Variants in RC3H1 observed in about 807,000 individuals in gnomAD.
The protein encoded by RC3H1 is roquin-1.
RC3H1 carries 50 observed loss-of-function variants against 138.2 expected under a neutral mutation model. The ratio of observed to expected loss-of-function variants is 0.36; its 90% CI spans 0.29 to 0.46. The LOEUF is 0.46. RC3H1 is among the 20% of genes least tolerant of loss of function. The pLI is 1.00. For synonymous variants in RC3H1, 462 were observed against 489.1 expected (o/e 0.94, Z 0.73); for missense variants, 1,031 against 1,388.1 (o/e 0.74, Z 4.09).
intron 2 of RC3H1, among the ~76,000 whole-genome samples, chr1:173,987,988 C>A (rs1335799026): frequency 6.6e-6 from 1 of 152,092 alleles, no homozygotes; most frequent in African/African-American, 2.4e-5. Flanking sequence ...TAATTCGTAC[C>A]CCCATGGGAA....
rs762384206 is a variant in RC3H1, at chr1:173,938,803, A to G, written c.3320T>C (p.Leu1107Pro). 1.9e-6 allele frequency: 3 copies of G among 1,613,838 alleles called. No homozygotes were observed. In the South Asian group the frequency reaches 3.3e-5, roughly 18 times the overall value. The change falls in exon 20 of 20, where the codon CTG becomes CCG. Residue 1107 changes from leucine to proline, a missense_variant. Physicochemically the swap from Leu to Pro is moderately conservative, Grantham distance 98. Coordinates refer to ENST00000367696, the MANE Select transcript of RC3H1 (RefSeq NM_172071.4). ...ISLLSNKTSS[L>P]NLSEDPEGGG... ...TCCCTCAGGGTCCTCTGACAGGTTC[A>G]GAGAGCTGGTCTTGTTTGATAGGAG...
At chr1:173,956,449 C>T (rs966646859) in intron 13 of RC3H1, among the ~76,000 whole-genome samples, 3 of 151,874 alleles carry the variant, frequency 2.0e-5, no homozygotes, top group Non-Finnish European at 2.9e-5. Context: ...CACCTGAGGT[C>T]GGGAGTTTGA....
intron 1 of RC3H1, among the ~76,000 whole-genome samples, chr1:174,013,357 G>C (rs992894490): frequency 2.0e-5 from 3 of 151,922 alleles, no homozygotes; most frequent in Non-Finnish European, 4.4e-5. Context: ...TGTGGCTATT[G>C]AGCCCTTGAA....
intron 17 of RC3H1, among the ~76,000 whole-genome samples, chr1:173,945,174 A>G (rs1278294482): frequency 6.8e-6 from 1 of 147,576 alleles, no homozygotes; most frequent in African/African-American, 2.5e-5. Flanking sequence ...CTCAGGCTGG[A>G]GTGCAGTGGC....
At chr1:173,955,419 G>C (rs1033846198) in intron 13 of RC3H1, among the ~76,000 whole-genome samples, 2 of 147,560 alleles carry the variant, frequency 1.4e-5, no homozygotes, top group African/African-American at 5.0e-5. Flanking sequence ...CCAGGTTCAC[G>C]TCATTCTCTC....
chr1:173,966,481 C>T (rs919676785), intron 9 of RC3H1, among the ~76,000 whole-genome samples: 9 of 151,276 alleles, frequency 5.9e-5, no homozygotes, highest in Non-Finnish European at 1.3e-4. Context: ...TTTGGGAGGC[C>T]GAGGCGGGCA....
chr1:174,006,945 T>C (rs1312630867), intron 1 of RC3H1, among the ~76,000 whole-genome samples: 3 of 152,164 alleles, frequency 2.0e-5, no homozygotes, highest in Non-Finnish European at 4.4e-5. Context: ...TATCACAAAG[T>C]GAGCATACCT....
rs771606977 is a variant in RC3H1, at chr1:173,943,545, G to A, written c.3032C>T (p.Pro1011Leu). 2.2e-5 allele frequency: 35 copies of A among 1,613,990 alleles called. No individual in the cohort carries two copies. The highest frequency in any genetic ancestry group is 1.6e-4 in the Middle Eastern group (1 of 6,078). ...CATCCCAGGCCATTTTGGAGGTGGC[G>A]GTGGTGGGGGCTGTGACTGGCCTGC... is the stretch of plus-strand genomic sequence containing the variant. ...TLAGQSQPPP[P>L]PPPKWPGMIS... The change falls in exon 18 of 20, where the codon CCG (proline) becomes CTG (leucine). Residue 1011 changes from proline (P) to leucine (L), a missense_variant. Around this residue, in one of 7 missense-constraint regions of RC3H1, gnomAD observed 716 missense variants for 837.9 expected, o/e 0.85. Coordinates refer to ENST00000367696, the MANE Select transcript of RC3H1 (RefSeq NM_172071.4).
chr1:173,981,317 T>G (rs1403814953), intron 5 of RC3H1, among the ~76,000 whole-genome samples: 1 of 152,178 alleles, frequency 6.6e-6, no homozygotes, highest in Non-Finnish European at 1.5e-5. Flanking sequence ...TTTTTTCAAA[T>G]TTTAGAATAT....
Position 173,983,400 on chromosome 1 carries a change from C to A in RC3H1, c.592+18G>T. The A allele has an allele frequency of 6.2e-7, 1 of 1,613,196 alleles. No homozygotes were observed. The highest frequency in any genetic ancestry group is 1.1e-5 in the South Asian group (1 of 91,000). On this transcript the variant is annotated intron_variant, in intron 4 of 19. Coordinates refer to ENST00000367696, the MANE Select transcript of RC3H1 (RefSeq NM_172071.4). ...TTAGAATTACCAGCAGAATAAATAC[C>A]TAAAGTTAATTATGTACCTGGTCCA...
intron 14 of RC3H1, among the ~76,000 whole-genome samples, chr1:173,951,339 G>A (rs1010999218): frequency 7.9e-5 from 12 of 151,728 alleles, no homozygotes; most frequent in Admixed American, 5.9e-4. Context: ...CCCAAAAAAA[G>A]AGATAAGATT....
intron 7 of RC3H1, among the ~76,000 whole-genome samples, chr1:173,977,232 G>A (rs1394153405): frequency 6.6e-6 from 1 of 152,100 alleles, no homozygotes; most frequent in East Asian, 1.9e-4. Context: ...CCAGGGATGT[G>A]ATTTCTTTTA....
rs372808172 is a variant in RC3H1 at position 173,989,710 on chromosome 1, GTTTTTTTTTTTTT to G, written c.231+3032_231+3044del. Reference sequence around the variant, plus strand: ...GTTAATAGAGTAAATGTTTATTCAAGTTTTTTTTTTTTTTTTTTTTTTTTTTTGAGACGGAGTC... The same window carrying G: ...GTTAATAGAGTAAATGTTTATTCAAGTTTTTTTTTTTTTTGAGACGGAGTC... On this transcript the variant is annotated intron_variant, in intron 2 of 19. Transcript: ENST00000367696. Among the ~76,000 whole-genome samples, 6 of 103,232 alleles carry G rather than the reference GTTTTTTTTTTTTT, an allele frequency of 5.8e-5. No homozygotes were observed. The East Asian group carries it at 1.3e-3, about 23-fold the overall frequency. 67.7% of individuals were successfully genotyped at this position (103,232 alleles called of 152,430 possible).
intron 1 of RC3H1, among the ~76,000 whole-genome samples, chr1:174,017,783 C>CCAAAAAAAA (rs1165317766): frequency 1.2e-4 from 9 of 72,034 alleles, no homozygotes; most frequent in African/African-American, 4.6e-4. Context: ...TTTTCTTGCT[C>CCAAAAAAAA]AAAAAAAAAA....
intron 8 of RC3H1, among the ~76,000 whole-genome samples, chr1:173,971,282 G>T (rs1660350741): frequency 6.6e-6 from 1 of 151,510 alleles, no homozygotes; most frequent in Non-Finnish European, 1.5e-5. Flanking sequence ...ATTTTATAAT[G>T]AAAAAACAAA....
chr1:174,010,724 C>T (rs974289695), intron 1 of RC3H1, among the ~76,000 whole-genome samples: 1 of 152,072 alleles, frequency 6.6e-6, no homozygotes, highest in Non-Finnish European at 1.5e-5. Flanking sequence ...GATCTCTGTC[C>T]TCAGGATAGT....
At position 173,937,879 on chromosome 1, in the gene RC3H1, A is replaced by T. The variant is rs934475384; in HGVS notation, c.*842T>A. On this transcript the variant is annotated 3_prime_UTR_variant, in exon 20 of 20. Coordinates refer to ENST00000367696, the MANE Select transcript of RC3H1 (RefSeq NM_172071.4). ...GCTGAACGCAGGCGAAACACCAAACATGTATTTTCAGTGCTAGTAAGTTAC... is the reference window on the plus strand; with the variant it reads ...GCTGAACGCAGGCGAAACACCAAACTTGTATTTTCAGTGCTAGTAAGTTAC... 3 of 152,202 alleles carry T rather than the reference A, an allele frequency of 2.0e-5. No homozygotes were observed. Among genetic ancestry groups the T allele is most frequent in the Admixed American group, 6.5e-5 (1 of 15,284 alleles). The allele number at this position is 152,202 out of a possible 1,614,324, so 9.4% of individuals were successfully genotyped here.
intron 9 of RC3H1, among the ~76,000 whole-genome samples, chr1:173,970,167 T>C (rs1369031999): frequency 1.3e-5 from 2 of 152,182 alleles, no homozygotes; most frequent in Non-Finnish European, 2.9e-5. Context: ...GACCCAAATA[T>C]ATAACATGAA....
intron 1 of RC3H1, among the ~76,000 whole-genome samples, chr1:174,017,666 A>G (rs531274379): frequency 7.8e-4 from 118 of 152,114 alleles, no homozygotes; most frequent in South Asian, 1.9e-3. Flanking sequence ...GTGAATGTAT[A>G]AAGTGCCACC....
Sources: gnomAD v4.1 joint callset for allele counts (sites outside exome capture counted in the v4.1 genomes callset) on GRCh38, gnomAD v4.1.1 for gene constraint, gnomAD v4.1.1 regional missense constraint, MANE v1.5 for transcripts, NCBI Gene and HGNC (gene_info 2026-07-23, HGNC 2026-07-21) for gene names.